The following CRAT variants were observed in gnomAD, a reference collection of about 807,000 sequenced individuals.
CRAT encodes the protein carnitine acetylase.
A neutral mutation model predicts 73.7 loss-of-function variants in CRAT; 66 were observed. That is an observed-to-expected ratio of 0.90 (90% CI 0.73 to 1.10). CRAT has a LOEUF of 1.10. Among genes scored for constraint, CRAT ranks in the 50% least tolerant of loss-of-function variants. The pLI, the probability that CRAT is intolerant of heterozygous loss-of-function variation, is 0.00. For synonymous variants in CRAT, 321 were observed against 343.2 expected, an observed-to-expected ratio of 0.94 and a Z score of 0.71; for missense variants, 745 against 846.9, an observed-to-expected ratio of 0.88 and a Z score of 1.49.
In CRAT at chr9:129,102,533, T is replaced by A; in HGVS notation, c.497A>T (p.Lys166Met). ...ATAGTACTGGTTCATGCACAGTGGC[T>A]TCCCCCCCAGGTACTCCACGGGCAG... ...ETLPVEYLGG[K>M]PLCMNQYYQI... Residue 166 changes from lysine to methionine, a missense_variant, in exon 5 of 14, where the codon AAG becomes ATG. By Grantham distance (95) the Lys-to-Met change is moderately conservative. Transcript: ENST00000318080. The A allele has an allele frequency of 1.2e-6, 2 of 1,614,092 alleles. No homozygotes were observed. The highest frequency in any genetic ancestry group is 1.3e-5 in the African/African-American group (1 of 75,032).
chr9:129,098,659 T>C lies in CRAT; in HGVS notation c.1086-9A>G, dbSNP rs760636427. 13 of 1,595,654 alleles carry C rather than the reference T, an allele frequency of 8.1e-6. No individual in the cohort carries two copies. In the Admixed American group the frequency reaches 1.3e-4, roughly 16 times the overall value. Reference sequence around the variant, plus strand: ...CAAGCTCGGGTTTCTTCCTGCACAGTAAACGGGGCCTCAGGCTCATGCTGG... The same window carrying C: ...CAAGCTCGGGTTTCTTCCTGCACAGCAAACGGGGCCTCAGGCTCATGCTGG... On this transcript the variant is annotated splice_polypyrimidine_tract_variant and intron_variant, in intron 8 of 13. Coordinates refer to ENST00000318080, the MANE Select transcript of CRAT (RefSeq NM_000755.5).
Position 129,098,027 on chromosome 9 carries a change from C to A in CRAT, c.1450G>T (p.Asp484Tyr), listed in dbSNP as rs374685866. 2.1e-5 allele frequency: 34 copies of A among 1,613,732 alleles called. No homozygotes were observed. In the African/African-American group the frequency reaches 3.5e-4, roughly 16 times the overall value. Residue 484 changes from aspartate to tyrosine, a missense_variant, in exon 11 of 14, where the codon GAC becomes TAC. Transcript: ENST00000318080. ...AGACCTCTCACCGTGACGCTGGAGT[C>A]ATCCATGGCCTTGACAAAGGTGAGT... ...DSLTFVKAMD[D>Y]SSVTEHQKVE...
chr9:129,097,925 G>C, intron 11 of CRAT, 88 bp downstream of exon 11: 1 of 1,536,670 alleles, frequency 6.5e-7, no homozygotes, highest in Non-Finnish European at 8.8e-7. Flanking sequence ...CTGGAATCCT[G>C]TAGGTGCTCA....
rs984030591 is a variant in CRAT at position 129,106,242 on chromosome 9, C to T, written c.291+1572G>A. 6.6e-6 allele frequency among the ~76,000 whole-genome samples: 1 copy of T among 152,146 alleles called. No homozygotes were observed. The highest frequency in any genetic ancestry group is 2.4e-5 in the African/African-American group (1 of 41,428). On this transcript the variant is annotated intron_variant, in intron 2 of 13. Coordinates refer to ENST00000318080, the MANE Select transcript of CRAT (RefSeq NM_000755.5). This position sits in a 1 kb window ranked among gnomAD's most constrained non-coding sequence, Gnocchi z 4.0. The stretch of plus-strand genomic sequence containing the variant: ...GGGTCCCTGAGTCAGTCAGACCTTC[C>T]TGTGTGGCCGAGGGCTTCCTTGAGA...
chr9:129,105,569 G>A (rs1485451983), intron 2 of CRAT, among the ~76,000 whole-genome samples: 1 of 151,956 alleles, frequency 6.6e-6, no homozygotes, highest in Admixed American at 6.6e-5. Context: ...TGATCCACCT[G>A]CCTCAGCTTC....
rs775021243 is a variant in CRAT at position 129,097,250 on chromosome 9, C to T, written c.1527G>A (p.Arg509=). The stretch of plus-strand genomic sequence containing the variant: ...AGTAGGCACAAGCGGGCTCACTTAC[C>T]CGGTCGGTGTAGCCTCGGTGGGCCT... ...AVQAHRGYTD[R]AIRGEAFDRH... The change falls in exon 12 of 14, where the codon CGG becomes CGA. Residue 509 remains arginine, a splice_region_variant and synonymous_variant. Transcript: ENST00000318080. 2 of 1,557,606 alleles carry T rather than the reference C, an allele frequency of 1.3e-6. No homozygotes were observed. The highest frequency in any genetic ancestry group is 1.7e-6 in the Non-Finnish European group (2 of 1,150,476).
intron 6 of CRAT, 127 bp from the exon 7 acceptor site, chr9:129,100,816 AC>A (rs1044213785): frequency 7.0e-6 from 8 of 1,149,798 alleles, no homozygotes; most frequent in Non-Finnish European, 9.5e-6. Flanking sequence ...GGATGAGGAG[AC>A]CCCCCACCTC....
At position 129,096,070 on chromosome 9, in the gene CRAT, C is replaced by T; in HGVS notation, c.1593G>A (p.Leu531=). 1.2e-6 allele frequency: 2 copies of T among 1,614,054 alleles called. No individual in the cohort carries two copies. Among genetic ancestry groups the T allele is most frequent in the Non-Finnish European group, 1.7e-6 (2 of 1,180,050 alleles). The part of the protein sequence containing the change: ...LGLKLQAIED[L]VSMPDIFMDT... ...CCATGAAGATGTCGGGCATGCTCAC[C>T]AGGTCCTCGATGGCCTGCAGCTTCA... The change falls in exon 13 of 14, where the codon CTG becomes CTA. Residue 531 remains leucine (L), a synonymous_variant. Coordinates refer to ENST00000318080, the MANE Select transcript of CRAT (RefSeq NM_000755.5).
Position 129,110,458 on chromosome 9 carries a change from C to T in CRAT, c.27+25G>A, listed in dbSNP as rs753155868. On this transcript the variant is annotated intron_variant, in intron 1 of 13. Transcript: ENST00000318080. This position sits in a 1 kb window ranked among gnomAD's most constrained non-coding sequence, Gnocchi z 5.3. ...GCCCGCCCAGGCCGTCCAGGGCCCT[C>T]AGGCCCGGGATCCGCCGCACTCACC... 1 of 1,569,738 alleles carries T rather than the reference C, an allele frequency of 6.4e-7. No homozygotes were observed. Among genetic ancestry groups the T allele is most frequent in the Non-Finnish European group, 8.6e-7 (1 of 1,165,816 alleles).
At chr9:129,099,455 C>T (rs1847518567) in intron 8 of CRAT, among the ~76,000 whole-genome samples, 1 of 138,246 alleles carries the variant, frequency 7.2e-6, no homozygotes, top group African/African-American at 2.8e-5. Context: ...GAGACAGAGT[C>T]TTGCTCTGTC....
chr9:129,104,796 G>A (rs1183487989), intron 2 of CRAT, among the ~76,000 whole-genome samples: 4 of 151,568 alleles, frequency 2.6e-5, no homozygotes, highest in East Asian at 3.9e-4. Context: ...AGTAGAGACG[G>A]GGTTTCACCG....
At chr9:129,104,384 G>C (rs1386298085) in intron 2 of CRAT, 78 bp from the exon 3 acceptor site, 5 of 1,177,230 alleles carry the variant, frequency 4.2e-6, no homozygotes, top group African/African-American at 1.5e-5. Context: ...AGGGGACCTG[G>C]CTGGCCCCCA....
In CRAT at chr9:129,095,983, G is replaced by A. The variant is rs751097620; in HGVS notation, c.1665+15C>T. On this transcript the variant is annotated intron_variant, in intron 13 of 13. Coordinates refer to ENST00000318080, the MANE Select transcript of CRAT (RefSeq NM_000755.5). ...TCTGCCTCCAGCCCCCGGGGCACCT[G>A]GGGCAGTGGCCCACCTGGCTGGTGG... 30 of 1,613,634 alleles carry A rather than the reference G, an allele frequency of 1.9e-5. No individual in the cohort carries two copies. Among genetic ancestry groups the A allele is most frequent in the Middle Eastern group, 3.3e-4 (2 of 6,078 alleles).
In CRAT at chr9:129,095,473, C is replaced by T. The variant is rs753394063; in HGVS notation, c.1805G>A (p.Arg602His). 17 of 1,613,322 alleles carry T rather than the reference C, an allele frequency of 1.1e-5. No individual in the cohort carries two copies. The Admixed American group carries it at 1.2e-4, about 11-fold the overall frequency. The change falls in exon 14 of 14, where the codon CGC (arginine) becomes CAC (histidine). Residue 602 changes from arginine (R) to histidine (H), a missense_variant. Coordinates refer to ENST00000318080, the MANE Select transcript of CRAT (RefSeq NM_000755.5). ...YNSCAETNAA[R>H]LAHYLEKALL... Reference sequence around the variant, plus strand: ...CGCCTTCTCCAGGTAATGCGCCAGGCGGGCGGCGTTGGTCTCCGCGCAGCT... The same window carrying T: ...CGCCTTCTCCAGGTAATGCGCCAGGTGGGCGGCGTTGGTCTCCGCGCAGCT...
chr9:129,100,652 C>A lies in CRAT; in HGVS notation c.843G>T (p.Lys281Asn), dbSNP rs779692860. 1 of 1,614,004 alleles carries A rather than the reference C, an allele frequency of 6.2e-7. No individual in the cohort carries two copies. Among genetic ancestry groups the A allele is most frequent in the African/African-American group, 1.3e-5 (1 of 75,060 alleles). The change falls in exon 7 of 14, where the codon AAG becomes AAT. Residue 281 changes from lysine (K) to asparagine (N), a missense_variant. Lys to Asn is a moderately conservative substitution (Grantham distance 94). Coordinates refer to ENST00000318080, the MANE Select transcript of CRAT (RefSeq NM_000755.5). The stretch of plus-strand genomic sequence containing the variant: ...CATCTAGGCACACGGTGAAGATGCT[C>A]TTCTGGATGGAGCGCACGGAATCCC... ...VNRDSVRSIQKSIFTVCLDAT... is the reference protein window; with the variant it reads ...VNRDSVRSIQNSIFTVCLDAT...
In CRAT at chr9:129,097,299, A is replaced by C. The variant is rs776369491; in HGVS notation, c.1478T>G (p.Val493Gly). 6.4e-6 allele frequency: 10 copies of C among 1,566,188 alleles called. No homozygotes were observed. In the East Asian group the frequency reaches 1.9e-4, roughly 29 times the overall value. Residue 493 changes from valine (V) to glycine (G), a missense_variant, in exon 12 of 14, where the codon GTG becomes GGG. Physicochemically the swap from Val to Gly is moderately radical, Grantham distance 109 (BLOSUM62 -3). Transcript: ENST00000318080. ...DDSSVTEHQKVELLRKAVQAH... is the reference protein window; with the variant it reads ...DDSSVTEHQKGELLRKAVQAH... ...CTGCACGGCCTTCCGCAGCAGCTCC[A>C]CCTTCTGGTGCTCCTAGAGTGGTGA... is the stretch of plus-strand genomic sequence containing the variant.
chr9:129,104,816 G>T (rs995522653), intron 2 of CRAT, among the ~76,000 whole-genome samples: 5 of 151,626 alleles, frequency 3.3e-5, no homozygotes, highest in Non-Finnish European at 1.5e-5. Context: ...GTGTTAGCCA[G>T]GATGGTCTCG....
At chr9:129,109,540 C>A (rs540447266) in intron 1 of CRAT, among the ~76,000 whole-genome samples, 6 of 152,330 alleles carry the variant, frequency 3.9e-5, no homozygotes, top group African/African-American at 1.4e-4. Context: ...GGACTCTGGG[C>A]AAGTCCCTCC....
chr9:129,104,498 G>A (rs1847878917), intron 2 of CRAT, among the ~76,000 whole-genome samples, 192 bp from the exon 3 acceptor site: 1 of 144,310 alleles, frequency 6.9e-6, no homozygotes, highest in African/African-American at 2.5e-5. Flanking sequence ...CCTTTAGCCC[G>A]AGTGATCAGT....
Sources: allele counts gnomAD v4.1 joint callset (sites outside exome capture counted in the v4.1 genomes callset), GRCh38; gene constraint gnomAD v4.1.1; non-coding constraint Gnocchi (gnomAD v3.1); transcripts MANE v1.5; gene names NCBI Gene and HGNC (gene_info 2026-07-23, HGNC 2026-07-21).